FAM13A: variants seen among roughly 807,000 people sequenced by gnomAD.
The protein encoded by FAM13A is family with sequence similarity 13 member A, also known as protein FAM13A.
In FAM13A, 76 loss-of-function variants were observed where a neutral mutation model predicts 129.6. That is an observed-to-expected ratio of 0.59 (90% CI 0.49 to 0.71). FAM13A has a LOEUF of 0.71. Among genes scored for constraint, FAM13A ranks in the 30% least tolerant of loss-of-function variants. The pLI is 0.00. For synonymous variants in FAM13A, 443 were observed against 449.9 expected (o/e 0.98, Z 0.20); for missense variants, 1,108 against 1,249.3 (o/e 0.89, Z 1.70).
chr4:89,004,882 T>C (rs760061075), intron 3 of FAM13A, among the ~76,000 whole-genome samples: 1 of 152,164 alleles, frequency 6.6e-6, no homozygotes, highest in Admixed American at 6.5e-5. Flanking sequence ...AGTTGATCTC[T>C]GAAAGTTTTC....
At chr4:88,938,058 A>G in intron 5 of FAM13A, 30 bp downstream of exon 5, 1 of 1,563,584 alleles carries the variant, frequency 6.4e-7, no homozygotes, top group Middle Eastern at 1.7e-4. Context: ...AATTATAGCA[A>G]TACTGAAAAT....
chr4:89,025,256 T>TGTTG (rs1553925567), intron 2 of FAM13A, among the ~76,000 whole-genome samples: 1 of 83,494 alleles, frequency 1.2e-5, no homozygotes, highest in Non-Finnish European at 2.3e-5. Context: ...TTTTTTTTTT[T>TGTTG]TTTTTTTTTT....
intron 3 of FAM13A, among the ~76,000 whole-genome samples, chr4:89,015,545 C>T (rs969696684): frequency 1.3e-5 from 2 of 152,236 alleles, no homozygotes; most frequent in Non-Finnish European, 1.5e-5. Flanking sequence ...CGGGTTACCC[C>T]GATACTTAAC....
At chr4:88,733,824 CAG>C (rs1738402278) in intron 21 of FAM13A, among the ~76,000 whole-genome samples, 1 of 152,200 alleles carries the variant, frequency 6.6e-6, no homozygotes, top group Non-Finnish European at 1.5e-5. Flanking sequence ...GGACAGCTAA[CAG>C]AGTTACAAAT....
In FAM13A at chr4:89,015,130, A is replaced by G. The variant is rs1766300874; in HGVS notation, c.427+5330T>C. Among the ~76,000 whole-genome samples, 4 of 152,126 alleles carry G rather than the reference A, an allele frequency of 2.6e-5. 1 individual carries two copies. The South Asian group carries it at 8.3e-4, about 32-fold the overall frequency. On this transcript the variant is annotated intron_variant, in intron 3 of 23. Transcript: ENST00000264344. ...CTGTAGCGCTCCCAGGCCTATTAGG[A>G]CGAGGAAATTTTGGTCAGACTGGTT...
intron 1 of FAM13A, among the ~76,000 whole-genome samples, chr4:89,047,586 G>T (rs1170346848): frequency 1.3e-5 from 2 of 152,184 alleles, no homozygotes; most frequent in Non-Finnish European, 2.9e-5. Context: ...AATGGGAGAT[G>T]AAGTGTACTT....
intron 7 of FAM13A, among the ~76,000 whole-genome samples, chr4:88,836,215 A>C (rs1470486929): frequency 6.6e-6 from 1 of 152,244 alleles, no homozygotes. Flanking sequence ...TAAAATGATT[A>C]AAATGGTAAA....
chr4:88,861,129 T>A (rs1022364682), intron 6 of FAM13A, among the ~76,000 whole-genome samples: 1 of 152,020 alleles, frequency 6.6e-6, no homozygotes, highest in Non-Finnish European at 1.5e-5. Flanking sequence ...AAAAATTAAA[T>A]GACATCTTTG....
intron 6 of FAM13A, among the ~76,000 whole-genome samples, chr4:88,882,628 A>G (rs185953133): frequency 2.0e-5 from 3 of 152,238 alleles, no homozygotes; most frequent in Admixed American, 2.0e-4. Flanking sequence ...TCTTCAGGCA[A>G]CAAACAGCAT....
intron 4 of FAM13A, among the ~76,000 whole-genome samples, chr4:88,954,164 C>T (rs1757373113): frequency 6.6e-6 from 1 of 152,172 alleles, no homozygotes; most frequent in Non-Finnish European, 1.5e-5. Context: ...AATTGGTCTA[C>T]ACATAATATT....
intron 6 of FAM13A, among the ~76,000 whole-genome samples, chr4:88,886,416 C>G (rs997294176): frequency 6.6e-6 from 1 of 151,610 alleles, no homozygotes; most frequent in African/African-American, 2.4e-5. Flanking sequence ...TGGTGAAACC[C>G]CATCTCTACT....
chr4:88,932,204 A>G (rs1222067723), intron 5 of FAM13A, among the ~76,000 whole-genome samples: 1 of 152,226 alleles, frequency 6.6e-6, no homozygotes, highest in Non-Finnish European at 1.5e-5. Flanking sequence ...GCCTCTAATC[A>G]GTACTTTCTT....
chr4:88,920,188 A>G (rs1450724326), intron 5 of FAM13A, among the ~76,000 whole-genome samples: 2 of 152,168 alleles, frequency 1.3e-5, no homozygotes, highest in Admixed American at 6.5e-5. Flanking sequence ...ACAGCTTTGA[A>G]GAGAGCAGTG....
chr4:88,822,525 CATGGAAA>C (rs898869247), intron 7 of FAM13A, among the ~76,000 whole-genome samples: 1 of 152,254 alleles, frequency 6.6e-6, no homozygotes, highest in Admixed American at 6.5e-5. Context: ...TGTACTTATT[CATGGAAA>C]ATCCTTGCCT....
At chr4:89,056,741 T>C (rs1579961278) in intron 1 of FAM13A, among the ~76,000 whole-genome samples, 197 bp downstream of exon 1, 1 of 152,180 alleles carries the variant, frequency 6.6e-6, no homozygotes, top group South Asian at 2.1e-4. Context: ...GAAACTAAAG[T>C]GCACAAATAT....
chr4:88,890,350 T>A (rs1023354759), intron 6 of FAM13A, among the ~76,000 whole-genome samples: 1 of 152,182 alleles, frequency 6.6e-6, no homozygotes, highest in Admixed American at 6.5e-5. Context: ...AGCTGGATCC[T>A]CCGAACCAGG....
At chr4:88,833,613 T>C (rs1734287379) in intron 7 of FAM13A, among the ~76,000 whole-genome samples, 1 of 152,084 alleles carries the variant, frequency 6.6e-6, no homozygotes, top group African/African-American at 2.4e-5. Flanking sequence ...AGACTGAACA[T>C]GGTGGCTCAC....
chr4:89,041,684 G>A (rs1770156016), intron 1 of FAM13A, among the ~76,000 whole-genome samples: 1 of 152,154 alleles, frequency 6.6e-6, no homozygotes, highest in Non-Finnish European at 1.5e-5. Flanking sequence ...ACTTTGGGAA[G>A]CCGAGGGGGA....
At chr4:88,985,301 T>C (rs768200341) in intron 4 of FAM13A, among the ~76,000 whole-genome samples, 3 of 152,090 alleles carry the variant, frequency 2.0e-5, no homozygotes, top group Non-Finnish European at 2.9e-5. Context: ...TGGGGAGTGA[T>C]TGGGAAGAAA....
Sources: allele counts gnomAD v4.1 joint callset (sites outside exome capture counted in the v4.1 genomes callset), GRCh38; gene constraint gnomAD v4.1.1; transcripts MANE v1.5; gene names NCBI Gene and HGNC (gene_info 2026-07-23, HGNC 2026-07-21).